METTL24: variants seen among roughly 807,000 people sequenced by gnomAD.
METTL24 encodes the protein probable methyltransferase-like protein 24.
METTL24 carries 29 observed loss-of-function variants against 32.7 expected under a neutral mutation model. The observed-to-expected ratio is 0.89, with a 90% CI of 0.66 to 1.21. The LOEUF (loss-of-function observed/expected upper bound fraction) is 1.21, where lower values mean the gene tolerates loss of function less well. Ranked by LOEUF, METTL24 falls within the 50% of genes most tolerant of loss-of-function variation. The probability of loss-of-function intolerance (pLI) is 0.00; values close to 1 mark genes in which losing one functional copy is unlikely to be tolerated. For missense variants in METTL24, 439 were observed against 468.1 expected (o/e 0.94, Z 0.57); for synonymous variants, 163 against 179.5 (o/e 0.91, Z 0.73).
intron 2 of METTL24, among the ~76,000 whole-genome samples, chr6:110,320,384 C>G (rs1177325419): frequency 6.6e-6 from 1 of 152,124 alleles, no homozygotes; most frequent in Non-Finnish European, 1.5e-5. Flanking sequence ...AACCATAAAG[C>G]TTTGCATTAC....
chr6:110,341,566 G>T (rs2057153), intron 1 of METTL24, among the ~76,000 whole-genome samples: 40,024 of 152,014 alleles, frequency 0.26, 5,314 homozygotes, highest in South Asian at 0.33. Context: ...TGACAAAATT[G>T]CTGAAATTAA....
chr6:110,318,220 T>TA (rs1415893546), intron 2 of METTL24, among the ~76,000 whole-genome samples: 1 of 152,256 alleles, frequency 6.6e-6, no homozygotes, highest in Non-Finnish European at 1.5e-5. Flanking sequence ...TTATTAAAGA[T>TA]GACACTTTGT....
chr6:110,295,746 C>CAGATAAGTTGCTAT (rs138562404), intron 4 of METTL24, among the ~76,000 whole-genome samples: 1 of 145,790 alleles, frequency 6.9e-6, no homozygotes, highest in African/African-American at 2.6e-5. Flanking sequence ...TTAGCAACTT[C>CAGATAAGTTGCTAT]CAGAGAAATG....
chr6:110,272,166 T>A (rs1770969106), intron 4 of METTL24, among the ~76,000 whole-genome samples: 1 of 151,026 alleles, frequency 6.6e-6, no homozygotes, highest in Admixed American at 6.6e-5. Flanking sequence ...ATTATAACAT[T>A]TTTATGCTTT....
At chr6:110,349,395 A>T (rs974037853) in intron 1 of METTL24, among the ~76,000 whole-genome samples, 2 of 152,230 alleles carry the variant, frequency 1.3e-5, no homozygotes, top group African/African-American at 4.8e-5. Context: ...CACTGCTAGC[A>T]TGGGGTCCAG....
intron 4 of METTL24, among the ~76,000 whole-genome samples, chr6:110,276,162 G>A (rs1582396012): frequency 6.6e-6 from 1 of 152,292 alleles, no homozygotes; most frequent in East Asian, 1.9e-4. Flanking sequence ...CCTAGGTGTG[G>A]TGGTTCATGC....
At chr6:110,330,034 AG>A (rs1772086163) in intron 1 of METTL24, among the ~76,000 whole-genome samples, 1 of 152,256 alleles carries the variant, frequency 6.6e-6, no homozygotes, top group African/African-American at 2.4e-5. Context: ...GCCCTACTCT[AG>A]GCTGCCTGGC....
At chr6:110,349,586 A>C (rs1180456826) in intron 1 of METTL24, among the ~76,000 whole-genome samples, 1 of 152,234 alleles carries the variant, frequency 6.6e-6, no homozygotes, top group African/African-American at 2.4e-5. Flanking sequence ...GTGTTGATTA[A>C]ATTGAGTTGA....
intron 1 of METTL24, among the ~76,000 whole-genome samples, chr6:110,338,728 C>A (rs900243806): frequency 6.6e-6 from 1 of 152,068 alleles, no homozygotes; most frequent in African/African-American, 2.4e-5. Flanking sequence ...AAACTTTAAG[C>A]TAAATCTGTA....
chr6:110,280,185 C>T (rs765370067), intron 4 of METTL24, among the ~76,000 whole-genome samples: 27 of 152,154 alleles, frequency 1.8e-4, no homozygotes, highest in Non-Finnish European at 3.1e-4. Context: ...ATTTGACATG[C>T]AATTTGGGTG....
At chr6:110,320,979 G>A (rs1361637623) in intron 2 of METTL24, among the ~76,000 whole-genome samples, 7 of 152,170 alleles carry the variant, frequency 4.6e-5, no homozygotes, top group African/African-American at 1.7e-4. Context: ...GCTCACACCT[G>A]TAATCCCAGC....
At chr6:110,335,369 T>C (rs1362176012) in intron 1 of METTL24, among the ~76,000 whole-genome samples, 1 of 152,180 alleles carries the variant, frequency 6.6e-6, no homozygotes, top group Admixed American at 6.5e-5. Context: ...CTGTATAACA[T>C]AGCAGATCTA....
chr6:110,249,758 A>G (rs1562214923), intron 4 of METTL24, among the ~76,000 whole-genome samples: 1 of 152,010 alleles, frequency 6.6e-6, no homozygotes, highest in Non-Finnish European at 1.5e-5. Flanking sequence ...TAATACAGTT[A>G]GGATAAATCA....
chr6:110,280,034 G>A (rs1239766554), intron 4 of METTL24, among the ~76,000 whole-genome samples: 2 of 152,116 alleles, frequency 1.3e-5, no homozygotes. Context: ...GTGCTGCACA[G>A]TTTTAAGTGA....
intron 4 of METTL24, among the ~76,000 whole-genome samples, chr6:110,258,799 C>G (rs1390633963): frequency 6.6e-6 from 1 of 151,352 alleles, no homozygotes; most frequent in African/African-American, 2.4e-5. Context: ...TACACACACA[C>G]ACACACACAC....
At chr6:110,277,699 T>A (rs1444786591) in intron 4 of METTL24, among the ~76,000 whole-genome samples, 2 of 152,206 alleles carry the variant, frequency 1.3e-5, no homozygotes, top group African/African-American at 2.4e-5. Flanking sequence ...CTTCTTCTAC[T>A]TGGATATAAG....
chr6:110,352,211 G>A (rs9481059), intron 1 of METTL24, among the ~76,000 whole-genome samples: 4 of 152,252 alleles, frequency 2.6e-5, no homozygotes, highest in South Asian at 2.1e-4. Flanking sequence ...GTGCCATGCC[G>A]TCACTGAGCT....
intron 1 of METTL24, among the ~76,000 whole-genome samples, chr6:110,340,840 T>C (rs1394089741): frequency 6.6e-6 from 1 of 152,164 alleles, no homozygotes. Context: ...TTCTCTATTT[T>C]TTTTTCCAGA....
At chr6:110,304,262 C>T (rs191653632) in intron 3 of METTL24, among the ~76,000 whole-genome samples, 4 of 152,278 alleles carry the variant, frequency 2.6e-5, no homozygotes, top group East Asian at 3.9e-4. Flanking sequence ...ACCTCTTCTC[C>T]TCCAAAGGAT....
Sources: allele counts gnomAD v4.1 joint callset (sites outside exome capture counted in the v4.1 genomes callset), GRCh38; gene constraint gnomAD v4.1.1; transcripts MANE v1.5; gene names NCBI Gene and HGNC (gene_info 2026-07-23, HGNC 2026-07-21).